The following NEK6 variants were observed in gnomAD, a reference collection of about 807,000 sequenced individuals.
NEK6 encodes the protein serine/threonine-protein kinase Nek6.
NEK6 carries 27 observed loss-of-function variants against 43.5 expected under a neutral mutation model. The ratio of observed to expected loss-of-function variants is 0.62; its 90% CI spans 0.46 to 0.86. The LOEUF is 0.86. Among genes scored for constraint, NEK6 ranks in the 40% least tolerant of loss-of-function variants. The probability of loss-of-function intolerance (pLI) is 0.00; values close to 1 mark genes in which losing one functional copy is unlikely to be tolerated. For synonymous variants in NEK6, 167 were observed against 164.1 expected, an observed-to-expected ratio of 1.02 and a Z score of -0.14; for missense variants, 318 against 414.4, an observed-to-expected ratio of 0.77 and a Z score of 2.02.
At chr9:124,338,952 AGG>A (rs1412903212) in intron 7 of NEK6, among the ~76,000 whole-genome samples, 6 of 26 alleles carry the variant, frequency 0.23, no homozygotes, top group African/African-American at 0.5. Context: ...AGCCGGGCCG[AGG>A]AGGCATCCCC....
intron 7 of NEK6, among the ~76,000 whole-genome samples, chr9:124,329,472 A>G (rs559828857): frequency 1.3e-5 from 2 of 152,344 alleles, no homozygotes; most frequent in African/African-American, 4.8e-5. Context: ...CACTTATTAT[A>G]TTAATGAGAA....
chr9:124,298,159 G>T (rs1832786729), intron 1 of NEK6, among the ~76,000 whole-genome samples: 1 of 152,128 alleles, frequency 6.6e-6, no homozygotes, highest in Non-Finnish European at 1.5e-5. Context: ...CCCCGAGGGT[G>T]AATGGGAAAG....
At chr9:124,278,375 G>C (rs1481286519) in intron 1 of NEK6, among the ~76,000 whole-genome samples, 1 of 150,368 alleles carries the variant, frequency 6.7e-6, no homozygotes, top group Non-Finnish European at 1.5e-5. Flanking sequence ...GCATGGGCTG[G>C]GTTTGTAGGT....
intron 1 of NEK6, among the ~76,000 whole-genome samples, chr9:124,295,602 C>G (rs1832648644): frequency 6.6e-6 from 1 of 152,224 alleles, no homozygotes; most frequent in Admixed American, 6.5e-5. Flanking sequence ...CTCAACCTGT[C>G]TGAACTTTGG....
intron 2 of NEK6, among the ~76,000 whole-genome samples, chr9:124,302,258 C>T (rs182499902): frequency 6.6e-6 from 1 of 152,320 alleles, no homozygotes; most frequent in Non-Finnish European, 1.5e-5. Context: ...GAAGCCTCCT[C>T]TGCCAAGCTC....
In NEK6 at chr9:124,277,752, G is replaced by T. The variant is rs567282058; in HGVS notation, c.-30+19667G>T. ...TGCTTCCTGGGGACGAGAGAGGCCC[G>T]CGTTCACGGGAGCGCGCCCGCAGGC... On this transcript the variant is annotated intron_variant, in intron 1 of 9. Transcript: ENST00000320246. Among the ~76,000 whole-genome samples the T allele has an allele frequency of 2.0e-5, 3 of 152,298 alleles. No homozygotes were observed. In the East Asian group the frequency reaches 5.8e-4, roughly 29 times the overall value.
At chr9:124,296,281 G>A (rs1038557724) in intron 1 of NEK6, among the ~76,000 whole-genome samples, 9 of 152,250 alleles carry the variant, frequency 5.9e-5, no homozygotes, top group African/African-American at 1.9e-4. Flanking sequence ...CCACAGGGAC[G>A]GCTTCCTGCT....
At chr9:124,267,351 A>G (rs10116520) in intron 1 of NEK6, among the ~76,000 whole-genome samples, 52,116 of 152,148 alleles carry the variant, frequency 0.34, 9,113 homozygotes, top group South Asian at 0.38. Context: ...TGGGCTTGGC[A>G]GGTCCGGTCG....
At chr9:124,295,313 G>A (rs1469013438) in intron 1 of NEK6, among the ~76,000 whole-genome samples, 1 of 152,224 alleles carries the variant, frequency 6.6e-6, no homozygotes, top group Non-Finnish European at 1.5e-5. Context: ...TCCATCTGTG[G>A]CTTGTCCCCT....
chr9:124,286,693 AGTTGT>A (rs1344749802), intron 1 of NEK6, among the ~76,000 whole-genome samples: 1 of 152,160 alleles, frequency 6.6e-6, no homozygotes, highest in East Asian at 1.9e-4. Context: ...CCCGGGGGCC[AGTTGT>A]GTCCCATCTG....
intron 1 of NEK6, among the ~76,000 whole-genome samples, chr9:124,265,065 G>A (rs1197405209): frequency 6.6e-6 from 1 of 152,158 alleles, no homozygotes; most frequent in Non-Finnish European, 1.5e-5. Context: ...CCTTTGGGGA[G>A]GGGAGACTGG....
At chr9:124,287,344 G>T (rs902427065) in intron 1 of NEK6, among the ~76,000 whole-genome samples, 1 of 152,360 alleles carries the variant, frequency 6.6e-6, no homozygotes, top group East Asian at 1.9e-4. Context: ...GGAGCACGAC[G>T]TAGGCAGACA....
At chr9:124,305,553 C>CAAAAA (rs11445181) in intron 2 of NEK6, among the ~76,000 whole-genome samples, 1 of 123,738 alleles carries the variant, frequency 8.1e-6, no homozygotes, top group Non-Finnish European at 1.7e-5. Flanking sequence ...GACCCCATCT[C>CAAAAA]AAAAAAAAAA....
At chr9:124,319,974 G>C (rs1469175473) in intron 4 of NEK6, among the ~76,000 whole-genome samples, 1 of 152,194 alleles carries the variant, frequency 6.6e-6, no homozygotes, top group Non-Finnish European at 1.5e-5. Context: ...TACTGACCAA[G>C]GTTCTTCCAC....
rs1830344036 is a variant in NEK6, at chr9:124,353,229, A to G, written c.*2282A>G. ...ACCAAACCAAACCTGAGGCCACCCCAAACAAATTCAGCCAGCAAAAAGGGT... is the reference window on the plus strand; with the variant it reads ...ACCAAACCAAACCTGAGGCCACCCCGAACAAATTCAGCCAGCAAAAAGGGT... On this transcript the variant is annotated 3_prime_UTR_variant, in exon 10 of 10. Coordinates refer to ENST00000320246, the MANE Select transcript of NEK6 (RefSeq NM_014397.6). 1 of 225,450 alleles carries G rather than the reference A, an allele frequency of 4.4e-6. No individual in the cohort carries two copies. The highest frequency in any genetic ancestry group is 8.8e-5 in the South Asian group (1 of 11,412). 14.0% of individuals were successfully genotyped at this position (225,450 alleles called of 1,614,324 possible).
At chr9:124,314,821 A>G (rs911703388) in intron 4 of NEK6, among the ~76,000 whole-genome samples, 6 of 151,898 alleles carry the variant, frequency 4.0e-5, no homozygotes, top group Non-Finnish European at 7.4e-5. Context: ...CACCACACCC[A>G]GCTAATTTTC....
chr9:124,257,673 A>C, upstream of NEK6: 1 of 1,531,946 alleles, frequency 6.5e-7, no homozygotes, highest in Non-Finnish European at 8.7e-7. Flanking sequence ...GCAGACCCTC[A>C]TCATAAGTCT....
intron 1 of NEK6, among the ~76,000 whole-genome samples, chr9:124,272,585 G>T (rs1831490802): frequency 6.6e-6 from 1 of 152,258 alleles, no homozygotes; most frequent in South Asian, 2.1e-4. Context: ...GCCTCATCGG[G>T]CTTTGCTTTG....
At chr9:124,345,259 G>A (rs1829858266) in intron 8 of NEK6, among the ~76,000 whole-genome samples, 1 of 152,212 alleles carries the variant, frequency 6.6e-6, no homozygotes, top group Non-Finnish European at 1.5e-5. Context: ...ACTGGTAGAA[G>A]GAGATCTCGC....
Sources: allele counts gnomAD v4.1 joint callset (sites outside exome capture counted in the v4.1 genomes callset), GRCh38; gene constraint gnomAD v4.1.1; transcripts MANE v1.5; gene names NCBI Gene and HGNC (gene_info 2026-07-23, HGNC 2026-07-21).